The following CPA6 variants were observed in gnomAD, a reference collection of about 807,000 sequenced individuals.
CPA6 encodes carboxypeptidase B.
CPA6 carries 58 observed loss-of-function variants against 63.3 expected under a neutral mutation model. That is an observed-to-expected ratio of 0.92 (90% confidence interval 0.74 to 1.14). The LOEUF (loss-of-function observed/expected upper bound fraction) is 1.14. Ranked by LOEUF, CPA6 falls within the 50% of genes most tolerant of loss-of-function variation. The pLI, the probability that CPA6 is intolerant of heterozygous loss-of-function variation, is 0.00. For missense variants in CPA6, 565 were observed against 526.6 expected (o/e 1.07, Z -0.71); for synonymous variants, 185 against 179.0 (o/e 1.03, Z -0.27).
In CPA6 at chr8:67,608,107, A is replaced by G. The variant is rs530204273; in HGVS notation, c.192+16069T>C. Reference sequence around the variant, plus strand: ...TGGAGGAAGAACTTTCATTCTTTAAAGTTTCAGCTGAGAAAAAGCCCACAT... The same window carrying G: ...TGGAGGAAGAACTTTCATTCTTTAAGGTTTCAGCTGAGAAAAAGCCCACAT... On this transcript the variant is annotated intron_variant, in intron 2 of 10. Transcript: ENST00000297770. Among the ~76,000 whole-genome samples, 3 of 152,266 alleles carry G rather than the reference A, an allele frequency of 2.0e-5. No homozygotes were observed. In the South Asian group the frequency reaches 6.2e-4, roughly 32 times the overall value.
intron 1 of CPA6, among the ~76,000 whole-genome samples, chr8:67,742,427 G>A (rs750688552): frequency 2.0e-5 from 3 of 152,166 alleles, no homozygotes; most frequent in African/African-American, 4.8e-5. Context: ...GTGGAGTCAG[G>A]CAGAGCTGGG....
chr8:67,471,931 CA>C (rs1811068009), intron 8 of CPA6, among the ~76,000 whole-genome samples: 1 of 152,056 alleles, frequency 6.6e-6, no homozygotes, highest in African/African-American at 2.4e-5. Flanking sequence ...CCCAAAAAAT[CA>C]AAGCACTTAT....
chr8:67,627,982 T>A (rs1815230814), intron 1 of CPA6, among the ~76,000 whole-genome samples: 1 of 152,148 alleles, frequency 6.6e-6, no homozygotes, highest in African/African-American at 2.4e-5. Context: ...TGGGTCTCAG[T>A]TTCTTCACTG....
intron 2 of CPA6, among the ~76,000 whole-genome samples, chr8:67,524,842 T>C (rs571752565): frequency 1.3e-5 from 2 of 152,270 alleles, no homozygotes; most frequent in South Asian, 4.1e-4. Context: ...CCCCTTACCA[T>C]GGAATTGACA....
chr8:67,626,974 A>G (rs1288409926), intron 1 of CPA6, among the ~76,000 whole-genome samples: 1 of 152,144 alleles, frequency 6.6e-6, no homozygotes, highest in African/African-American at 2.4e-5. Flanking sequence ...TTTAACCCTG[A>G]AAGTGATTGC....
chr8:67,718,018 A>T (rs528488836), intron 1 of CPA6, among the ~76,000 whole-genome samples: 1 of 152,210 alleles, frequency 6.6e-6, no homozygotes, highest in African/African-American at 2.4e-5. Flanking sequence ...TGAGTCTATA[A>T]CACTAAAAGA....
At chr8:67,537,504 A>T (rs1219736279) in intron 2 of CPA6, among the ~76,000 whole-genome samples, 1 of 152,234 alleles carries the variant, frequency 6.6e-6, no homozygotes, top group East Asian at 1.9e-4. Context: ...GTATTCTCTG[A>T]TGGTAGTTTG....
At chr8:67,560,361 T>C (rs1026254676) in intron 2 of CPA6, among the ~76,000 whole-genome samples, 3 of 152,074 alleles carry the variant, frequency 2.0e-5, no homozygotes, top group Admixed American at 6.6e-5. Flanking sequence ...AGCTACACCT[T>C]CTCAAACTTC....
chr8:67,426,398 A>T (rs746497168), intron 10 of CPA6, among the ~76,000 whole-genome samples: 2 of 152,156 alleles, frequency 1.3e-5, no homozygotes, highest in Non-Finnish European at 2.9e-5. Context: ...ATGTTTATAT[A>T]TATTATGTTG....
intron 8 of CPA6, among the ~76,000 whole-genome samples, chr8:67,481,239 A>T (rs1377218128): frequency 6.6e-6 from 1 of 152,252 alleles, no homozygotes; most frequent in African/African-American, 2.4e-5. Flanking sequence ...TGCTTACAGC[A>T]TATTTTAAAA....
At chr8:67,552,774 C>CAAAAA (rs762395117) in intron 2 of CPA6, among the ~76,000 whole-genome samples, 543 of 20,294 alleles carry the variant, frequency 0.027, 4 homozygotes, top group Middle Eastern at 0.17. Flanking sequence ...AAGACTGTCT[C>CAAAAA]AAAAAAAAAA....
At chr8:67,678,225 T>TCACACACACACA (rs200034998) in intron 1 of CPA6, among the ~76,000 whole-genome samples, 6,413 of 142,516 alleles carry the variant, frequency 0.045, 163 homozygotes, top group Non-Finnish European at 0.055. Flanking sequence ...TAAAACTCTG[T>TCACACACACACA]CTCACACACA....
Position 67,434,039 on chromosome 8 carries a change from A to G in CPA6, c.1040T>C (p.Val347Ala). The G allele has an allele frequency of 1.9e-6, 3 of 1,607,726 alleles. No individual in the cohort carries two copies. Among genetic ancestry groups the G allele is most frequent in the Non-Finnish European group, 2.6e-6 (3 of 1,175,362 alleles). Residue 347 changes from valine (V) to alanine (A), a missense_variant and splice_region_variant, in exon 9 of 11, where the codon GTG (valine) becomes GCG (alanine). Val to Ala is a moderately conservative substitution (Grantham distance 64). Transcript: ENST00000297770. ...ACATGCACAGGGTCAAATACTTACC[A>G]CACATCTAAAATTGGGAATTGTTGC... is the stretch of plus-strand genomic sequence containing the variant. ...KYATIPNFRC[V>A]ESAAYKAVNA...
At chr8:67,695,265 G>A (rs1375502026) in intron 1 of CPA6, among the ~76,000 whole-genome samples, 1 of 152,114 alleles carries the variant, frequency 6.6e-6, no homozygotes, top group Non-Finnish European at 1.5e-5. Flanking sequence ...TCAGTAACAT[G>A]GACTTCCACT....
chr8:67,447,715 C>G (rs372144029), intron 8 of CPA6, among the ~76,000 whole-genome samples: 5 of 152,172 alleles, frequency 3.3e-5, no homozygotes, highest in African/African-American at 9.7e-5. Context: ...TCCCTACTAG[C>G]AATACTCTAC....
intron 1 of CPA6, among the ~76,000 whole-genome samples, chr8:67,636,770 G>T (rs1368998680): frequency 6.6e-6 from 1 of 151,552 alleles, no homozygotes; most frequent in African/African-American, 2.4e-5. Flanking sequence ...TCATCCCCGA[G>T]CACAAAGAAA....
intron 2 of CPA6, among the ~76,000 whole-genome samples, chr8:67,571,144 G>A (rs1051071255): frequency 1.3e-5 from 2 of 152,180 alleles, no homozygotes; most frequent in African/African-American, 4.8e-5. Flanking sequence ...ACTTCATCAA[G>A]AGGACATAAA....
chr8:67,573,593 T>C (rs1813542070), intron 2 of CPA6, among the ~76,000 whole-genome samples: 1 of 151,728 alleles, frequency 6.6e-6, no homozygotes, highest in Non-Finnish European at 1.5e-5. Context: ...CAAAAAACTA[T>C]AAAATATGAA....
intron 8 of CPA6, among the ~76,000 whole-genome samples, chr8:67,437,750 A>G (rs1810194151): frequency 1.3e-5 from 2 of 152,218 alleles, no homozygotes; most frequent in African/African-American, 4.8e-5. Flanking sequence ...AAACATTCCT[A>G]GAAGGCATGG....
Sources: gnomAD v4.1 joint callset for allele counts (sites outside exome capture counted in the v4.1 genomes callset) on GRCh38, gnomAD v4.1.1 for gene constraint, MANE v1.5 for transcripts, NCBI Gene and HGNC (gene_info 2026-07-23, HGNC 2026-07-21) for gene names.